The following ESRRG variants were observed in gnomAD, a reference collection of about 807,000 sequenced individuals.
ESRRG encodes estrogen-related receptor gamma.
In ESRRG, 13 loss-of-function variants were observed where a neutral mutation model predicts 44.0. The ratio of observed to expected loss-of-function variants is 0.30; its 90% CI spans 0.19 to 0.47. The LOEUF (loss-of-function observed/expected upper bound fraction) is 0.47. Ranked by LOEUF, ESRRG falls within the 20% of genes least tolerant of loss-of-function variation. The pLI, the probability that ESRRG is intolerant of heterozygous loss-of-function variation, is 1.00. For missense variants in ESRRG, 395 were observed against 580.6 expected, an observed-to-expected ratio of 0.68 and a Z score of 3.29; for synonymous variants, 215 against 214.6, an observed-to-expected ratio of 1.00 and a Z score of -0.02.
intron 1 of ESRRG, among the ~76,000 whole-genome samples, chr1:217,050,686 A>G (rs2085789398): frequency 6.6e-6 from 1 of 152,182 alleles, no homozygotes; most frequent in Admixed American, 6.5e-5. Flanking sequence ...CGAGATGTGG[A>G]CCACATCTCT....
chr1:216,578,709 T>C (rs941630482), intron 3 of ESRRG, among the ~76,000 whole-genome samples: 2 of 152,084 alleles, frequency 1.3e-5, no homozygotes, highest in African/African-American at 4.8e-5. Context: ...ATGAGGAAAG[T>C]TAGCAAAGAA....
chr1:216,623,430 C>T (rs1279836482), intron 3 of ESRRG, among the ~76,000 whole-genome samples: 1 of 152,064 alleles, frequency 6.6e-6, no homozygotes, highest in Non-Finnish European at 1.5e-5. Context: ...GCACTAAATT[C>T]CTGCATCCTG....
At chr1:216,690,872 G>A (rs1420513264) in intron 1 of ESRRG, among the ~76,000 whole-genome samples, 1 of 152,032 alleles carries the variant, frequency 6.6e-6, no homozygotes, top group East Asian at 1.9e-4. Context: ...CTTAACTAAG[G>A]CCTGCAGTGA....
At chr1:217,039,660 G>T (rs915218657) in intron 1 of ESRRG, among the ~76,000 whole-genome samples, 1 of 152,192 alleles carries the variant, frequency 6.6e-6, no homozygotes, top group Non-Finnish European at 1.5e-5. Context: ...TAAGATTTGG[G>T]TGAGTACGCA....
intron 1 of ESRRG, among the ~76,000 whole-genome samples, chr1:216,971,938 A>C (rs946157553): frequency 7.9e-5 from 12 of 152,230 alleles, no homozygotes; most frequent in Admixed American, 7.9e-4. Flanking sequence ...CTAAACAATC[A>C]TATTTGTAGC....
At chr1:217,047,992 T>G (rs2085200895) in intron 1 of ESRRG, among the ~76,000 whole-genome samples, 1 of 152,152 alleles carries the variant, frequency 6.6e-6, no homozygotes. Context: ...GAAATATGTG[T>G]AGTAGCTCAC....
At chr1:216,928,716 A>G (rs972806803) in intron 2 of ESRRG, among the ~76,000 whole-genome samples, 6 of 152,226 alleles carry the variant, frequency 3.9e-5, no homozygotes, top group Non-Finnish European at 5.9e-5. Flanking sequence ...AATATTAATC[A>G]ACAAACAAAT....
chr1:217,136,669 C>T (rs1424338794), intron 1 of ESRRG, among the ~76,000 whole-genome samples: 2 of 152,226 alleles, frequency 1.3e-5, no homozygotes, highest in Non-Finnish European at 2.9e-5. Flanking sequence ...ACACAACTTA[C>T]TGCCCGCCCT....
chr1:216,765,503 T>A (rs942397865), intron 2 of ESRRG, among the ~76,000 whole-genome samples: 1 of 152,002 alleles, frequency 6.6e-6, no homozygotes, highest in Non-Finnish European at 1.5e-5. Context: ...GAAGCCAAAT[T>A]TATCTGGACA....
At chr1:216,914,959 C>T (rs929497129) in intron 2 of ESRRG, among the ~76,000 whole-genome samples, 2 of 152,170 alleles carry the variant, frequency 1.3e-5, no homozygotes, top group East Asian at 1.9e-4. Context: ...GTACTAGTTT[C>T]CCAGACCTTT....
chr1:216,764,571 G>GT (rs1040224329), intron 2 of ESRRG, among the ~76,000 whole-genome samples: 14 of 109,130 alleles, frequency 1.3e-4, no homozygotes, highest in South Asian at 3.3e-4. Context: ...GCCCGGCCCA[G>GT]GGGGGGACTC....
intron 2 of ESRRG, among the ~76,000 whole-genome samples, chr1:216,759,126 A>G (rs1471244238): frequency 6.6e-6 from 1 of 152,096 alleles, no homozygotes; most frequent in Non-Finnish European, 1.5e-5. Flanking sequence ...TATAACGATC[A>G]TATATTCTGC....
intron 2 of ESRRG, among the ~76,000 whole-genome samples, chr1:216,897,822 C>CA (rs1384699474): frequency 6.6e-6 from 1 of 151,884 alleles, no homozygotes; most frequent in Non-Finnish European, 1.5e-5. Flanking sequence ...AGTGAGCTAT[C>CA]ACCCCACTAT....
intron 1 of ESRRG, among the ~76,000 whole-genome samples, chr1:216,717,625 A>C (rs2085183852): frequency 6.6e-6 from 1 of 151,850 alleles, no homozygotes; most frequent in Non-Finnish European, 1.5e-5. Flanking sequence ...TTAGAACAAG[A>C]ATTAGAATAG....
At chr1:216,904,906 A>T (rs772803279) in intron 2 of ESRRG, among the ~76,000 whole-genome samples, 1 of 152,158 alleles carries the variant, frequency 6.6e-6, no homozygotes, top group Non-Finnish European at 1.5e-5. Flanking sequence ...GCCCAAGGAA[A>T]ATTCTGCACC....
intron 2 of ESRRG, among the ~76,000 whole-genome samples, chr1:216,790,450 A>G (rs1196268778): frequency 1.3e-5 from 2 of 152,160 alleles, no homozygotes; most frequent in Non-Finnish European, 2.9e-5. Context: ...AAGATAAACT[A>G]ATATAGGAGT....
At chr1:217,094,412 A>G (rs2092394477), upstream of ESRRG, among the ~76,000 whole-genome samples, 1 of 152,176 alleles carries the variant, frequency 6.6e-6, no homozygotes, top group South Asian at 2.1e-4. Context: ...CTTGGGGTAT[A>G]GAATCAGAAT....
rs1164482895 is a variant in ESRRG at position 216,996,947 on chromosome 1, G to GA, written c.-105-57275dup. On this transcript the variant is annotated intron_variant, in intron 1 of 7. Transcript: ENST00000359162. ...ATATTGCACAGGCTACATAATCTGT[G>GA]AAAAAAAATCAAAATCAAAAGTAAT... is the stretch of plus-strand genomic sequence containing the variant. Among the ~76,000 whole-genome samples, 4 of 151,584 alleles carry GA rather than the reference G, an allele frequency of 2.6e-5. No homozygotes were observed. The East Asian group carries it at 5.8e-4, about 22-fold the overall frequency.
intron 1 of ESRRG, among the ~76,000 whole-genome samples, chr1:217,137,211 C>T (rs1333449391): frequency 6.6e-6 from 1 of 152,206 alleles, no homozygotes; most frequent in East Asian, 1.9e-4. Context: ...CAGGGTCCCC[C>T]ATGCAGTTTA....
Sources: gnomAD v4.1 joint callset for allele counts (sites outside exome capture counted in the v4.1 genomes callset) on GRCh38, gnomAD v4.1.1 for gene constraint, MANE v1.5 for transcripts, NCBI Gene and HGNC (gene_info 2026-07-23, HGNC 2026-07-21) for gene names.